The following ACAD10 variants were observed in gnomAD, a reference collection of about 807,000 sequenced individuals.
ACAD10 encodes acyl-CoA dehydrogenase family member 10.
ACAD10 carries 112 observed loss-of-function variants against 116.8 expected under a neutral mutation model. That is an observed-to-expected ratio of 0.96 (90% CI 0.82 to 1.12). The LOEUF is 1.12. ACAD10 is among the 50% of genes most tolerant of loss of function. The pLI is 0.00. For missense variants in ACAD10, 1,259 were observed against 1,350.2 expected (o/e 0.93, Z 1.06); for synonymous variants, 486 against 510.6 (o/e 0.95, Z 0.65).
chr12:111,757,063 G>C lies in ACAD10; in HGVS notation c.*590G>C, dbSNP rs563290190. On this transcript the variant is annotated 3_prime_UTR_variant, in exon 21 of 21. Transcript: ENST00000313698. ...AAATGTTATTTTGGAAAGGGGTTTT[G>C]GGGACACAGAAGAATAAGTAAACAC... 7.3e-5 allele frequency: 26 copies of C among 357,882 alleles called. No individual in the cohort carries two copies. In the Admixed American group the frequency reaches 9.7e-4, roughly 13 times the overall value. The allele number at this position is 357,882 out of a possible 1,614,324, so 22.2% of individuals were successfully genotyped here.
chr12:111,751,425 A>C (rs1890068456), intron 18 of ACAD10, among the ~76,000 whole-genome samples: 1 of 152,218 alleles, frequency 6.6e-6, no homozygotes, highest in African/African-American at 2.4e-5. Flanking sequence ...CAATACGGCA[A>C]AACCTCATCT....
chr12:111,756,149 C>T (rs2068081863), intron 20 of ACAD10, 184 bp from the exon 21 acceptor site: 2 of 1,423,514 alleles, frequency 1.4e-6, no homozygotes, highest in East Asian at 2.6e-5. Flanking sequence ...AGTCTGGAGG[C>T]CGTGGGATGG....
At chr12:111,740,731 G>A (rs148392451) in intron 12 of ACAD10, among the ~76,000 whole-genome samples, 9 of 135,942 alleles carry the variant, frequency 6.6e-5, no homozygotes, top group African/African-American at 2.0e-4. Context: ...GCAGTGAGCC[G>A]AGATTGCTTC....
Position 111,744,823 on chromosome 12 carries a change from G to T in ACAD10, c.1895G>T (p.Gly632Val), listed in dbSNP as rs766742281. Residue 632 changes from glycine (G) to valine (V), a missense_variant, in exon 13 of 21, where the codon GGC becomes GTC. Physicochemically the swap from Gly to Val is moderately radical, Grantham distance 109. Transcript: ENST00000313698. ...CCCCAGTCCCAGTGGTGCCCCACAG[G>T]CAGCAGGAGTTATAGCTCCGTTCCA... ...ARPQSQWCPT[G>V]SRSYSSVPEA... 3.7e-6 allele frequency: 6 copies of T among 1,614,106 alleles called. No individual in the cohort carries two copies. Among genetic ancestry groups the T allele is most frequent in the African/African-American group, 1.3e-5 (1 of 74,942 alleles).
Position 111,734,087 on chromosome 12 carries a change from G to A in ACAD10, c.1540+19G>A. On this transcript the variant is annotated intron_variant, in intron 11 of 20. Transcript: ENST00000313698. ...CTGAGAGGTAGGAACTGCTGCTGGA[G>A]GATAGTGGGGGAGCAAGCCAGTTCT... The A allele has an allele frequency of 6.2e-7, 1 of 1,613,990 alleles. No homozygotes were observed. Among genetic ancestry groups the A allele is most frequent in the Non-Finnish European group, 8.5e-7 (1 of 1,179,952 alleles).
intron 1 of ACAD10, among the ~76,000 whole-genome samples, chr12:111,687,694 C>A (rs969263152): frequency 3.3e-5 from 5 of 152,114 alleles, no homozygotes; most frequent in Non-Finnish European, 7.4e-5. Flanking sequence ...ATGCAATGGT[C>A]ACAACAACTT....
At chr12:111,736,242 AGTGGC>A (rs1005473856) in intron 11 of ACAD10, among the ~76,000 whole-genome samples, 1 of 136,982 alleles carries the variant, frequency 7.3e-6, no homozygotes, top group African/African-American at 2.8e-5. Flanking sequence ...GCTGGAGTGC[AGTGGC>A]GTGATCTCAG....
intron 4 of ACAD10, among the ~76,000 whole-genome samples, chr12:111,706,166 C>T (rs1888498664): frequency 6.6e-6 from 1 of 152,208 alleles, no homozygotes; most frequent in African/African-American, 2.4e-5. Context: ...TTCAGCTTTA[C>T]ATTCTAAATT....
chr12:111,752,579 A>C (rs575951532), intron 18 of ACAD10, among the ~76,000 whole-genome samples: 26 of 152,106 alleles, frequency 1.7e-4, no homozygotes, highest in Non-Finnish European at 3.1e-4. Flanking sequence ...ACTGCACTCC[A>C]GCCTGGGCAA....
At chr12:111,748,650 G>A in intron 17 of ACAD10, 175 bp downstream of exon 17, 2 of 729,002 alleles carry the variant, frequency 2.7e-6, no homozygotes, top group Non-Finnish European at 4.4e-6. Flanking sequence ...AACCATGCAG[G>A]CGGATTTCAG....
intron 6 of ACAD10, chr12:111,715,612 A>G: frequency 1.7e-6 from 1 of 576,178 alleles, no homozygotes; most frequent in South Asian, 2.4e-5. Flanking sequence ...GACAAACTGT[A>G]GTGGCATGTG....
chr12:111,739,116 A>G (rs1378669823), intron 12 of ACAD10, among the ~76,000 whole-genome samples: 1 of 152,208 alleles, frequency 6.6e-6, no homozygotes, highest in Non-Finnish European at 1.5e-5. Context: ...ACAGAATAAT[A>G]TAGAATTTGC....
At chr12:111,748,800 C>G (rs770944664) in intron 17 of ACAD10, 2 of 570,012 alleles carry the variant, frequency 3.5e-6, no homozygotes, top group Non-Finnish European at 6.0e-6. Context: ...CAGCTGACCT[C>G]TAGGCCACAG....
At chr12:111,709,710 C>T in intron 5 of ACAD10, 26 bp downstream of exon 5, 2 of 1,591,766 alleles carry the variant, frequency 1.3e-6, no homozygotes, top group Non-Finnish European at 1.7e-6. Context: ...TTTTGAACTC[C>T]CTCCCATGCA....
chr12:111,697,604 A>C (rs1481444932), intron 2 of ACAD10, among the ~76,000 whole-genome samples: 2 of 101,904 alleles, frequency 2.0e-5, no homozygotes, highest in African/African-American at 8.6e-5. Context: ...TTTTTTTTTG[A>C]GACAGAGTCT....
intron 12 of ACAD10, among the ~76,000 whole-genome samples, chr12:111,740,093 C>T (rs1259021455): frequency 1.3e-5 from 2 of 152,042 alleles, no homozygotes; most frequent in African/African-American, 2.4e-5. Context: ...GGGCTGGCAT[C>T]GATCATTGCG....
chr12:111,706,782 A>ATATTTTTTTTTTTTT (rs778649893), intron 4 of ACAD10, among the ~76,000 whole-genome samples: 1 of 126,502 alleles, frequency 7.9e-6, no homozygotes, highest in African/African-American at 3.2e-5. Flanking sequence ...ATATATATAT[A>ATATTTTTTTTTTTTT]TTTTTTTTTT....
intron 12 of ACAD10, among the ~76,000 whole-genome samples, chr12:111,741,702 A>G (rs752872928): frequency 1.9e-4 from 29 of 152,356 alleles, no homozygotes; most frequent in Non-Finnish European, 2.9e-4. Context: ...TGAAAGAATA[A>G]TATAAAAACG....
At chr12:111,701,208 A>G (rs1352294678) in intron 2 of ACAD10, among the ~76,000 whole-genome samples, 1 of 152,236 alleles carries the variant, frequency 6.6e-6, no homozygotes, top group African/African-American at 2.4e-5. Context: ...ATATATAATT[A>G]TGAATGTTGT....
Sources: gnomAD v4.1 joint callset for allele counts (sites outside exome capture counted in the v4.1 genomes callset) on GRCh38, gnomAD v4.1.1 for gene constraint, MANE v1.5 for transcripts, NCBI Gene and HGNC (gene_info 2026-07-23, HGNC 2026-07-21) for gene names.